SLC1A3: variants seen among roughly 807,000 people sequenced by gnomAD.
The protein encoded by SLC1A3 is solute carrier family 1 member 3.
A neutral mutation model predicts 48.1 loss-of-function variants in SLC1A3; 21 were observed. That is an observed-to-expected ratio of 0.44 (90% CI 0.31 to 0.63). The LOEUF (loss-of-function observed/expected upper bound fraction) is 0.63, where lower values mean the gene tolerates loss of function less well. Among genes scored for constraint, SLC1A3 ranks in the 20% least tolerant of loss-of-function variants. The pLI is 0.08. For synonymous variants in SLC1A3, 239 were observed against 251.4 expected, an observed-to-expected ratio of 0.95 and a Z score of 0.47; for missense variants, 546 against 689.0, an observed-to-expected ratio of 0.79 and a Z score of 2.32.
At chr5:36,611,280 TAAA>T (rs11336594) in intron 2 of SLC1A3, among the ~76,000 whole-genome samples, 6,605 of 132,432 alleles carry the variant, frequency 0.05, 550 homozygotes, top group African/African-American at 0.17. Context: ...TTGCTTTTAG[TAAA>T]AAAAAAAAAA....
chr5:36,659,311 A>T (rs1042927095), intron 3 of SLC1A3, among the ~76,000 whole-genome samples: 1 of 152,158 alleles, frequency 6.6e-6, no homozygotes, highest in African/African-American at 2.4e-5. Flanking sequence ...TGTTAGGAGG[A>T]TAAAGGAGGT....
chr5:36,644,895 G>C (rs1265266625), intron 3 of SLC1A3, among the ~76,000 whole-genome samples: 3 of 152,088 alleles, frequency 2.0e-5, no homozygotes, highest in East Asian at 3.9e-4. Context: ...GGTGGGCCTG[G>C]GGGGAGACAA....
intron 3 of SLC1A3, chr5:36,668,078 A>T (rs1741831426): frequency 6.6e-6 from 1 of 152,228 alleles, no homozygotes; most frequent in African/African-American, 2.4e-5. Flanking sequence ...TATATTTTAA[A>T]GTGATAAGGC....
chr5:36,646,160 T>G (rs1008501960), intron 3 of SLC1A3, among the ~76,000 whole-genome samples: 2 of 152,234 alleles, frequency 1.3e-5, no homozygotes, highest in Admixed American at 6.5e-5. Flanking sequence ...GTAAGTTTTT[T>G]GAAGTTGACA....
intron 3 of SLC1A3, among the ~76,000 whole-genome samples, chr5:36,635,272 G>T (rs543077961): frequency 1.4e-4 from 22 of 152,274 alleles, no homozygotes; most frequent in African/African-American, 5.1e-4. Context: ...GTGTCACAAG[G>T]TTGTTGTGAG....
chr5:36,664,779 T>C (rs1741663837), intron 3 of SLC1A3, among the ~76,000 whole-genome samples: 2 of 152,252 alleles, frequency 1.3e-5, no homozygotes. Context: ...CATTCACCTG[T>C]TAACATATGG....
rs1742684725 is a variant in SLC1A3 at position 36,687,184 on chromosome 5, A to T, written c.*915A>T. 1 of 152,226 alleles carries T rather than the reference A, an allele frequency of 6.6e-6. No individual in the cohort carries two copies. The highest frequency in any genetic ancestry group is 2.1e-4 in the South Asian group (1 of 4,834). 9.4% of individuals were successfully genotyped at this position (152,226 alleles called of 1,614,324 possible). ...TTGCCCAGTTCATCCCAATGGGGGA[A>T]GTATTCCCTTCTTTCCTACTCTGGG... On this transcript the variant is annotated 3_prime_UTR_variant, in exon 10 of 10. Coordinates refer to ENST00000265113, the MANE Select transcript of SLC1A3 (RefSeq NM_004172.5).
intron 3 of SLC1A3, among the ~76,000 whole-genome samples, chr5:36,656,665 G>A (rs1335824976): frequency 6.6e-6 from 1 of 152,166 alleles, no homozygotes; most frequent in African/African-American, 2.4e-5. Flanking sequence ...ATGAACTCTT[G>A]CTATAGTATG....
chr5:36,651,267 T>C (rs1741058761), intron 3 of SLC1A3, among the ~76,000 whole-genome samples: 1 of 151,404 alleles, frequency 6.6e-6, no homozygotes, highest in South Asian at 2.1e-4. Flanking sequence ...TCCACTGCCC[T>C]CTACTATGGC....
At chr5:36,677,228 AT>A in intron 6 of SLC1A3, 44 bp downstream of exon 6, 1 of 1,546,878 alleles carries the variant, frequency 6.5e-7, no homozygotes, top group Non-Finnish European at 8.9e-7. Context: ...CGAGATGGTT[AT>A]TGCCATCAAC....
rs111962837 is a variant in SLC1A3, at chr5:36,636,463, T to C, written c.319+6876T>C. On this transcript the variant is annotated intron_variant, in intron 3 of 9. Transcript: ENST00000265113. ...TCTTTTCTTTTTCTTTCTTTCTTTC[T>C]TTTCTTTCTTTCTTTCTTTCTTTCT... 1.7e-3 allele frequency: 119 copies of C among 68,602 alleles called. 1 individual carries two copies. Among genetic ancestry groups the C allele is most frequent in the African/African-American group, 7.7e-3 (107 of 13,826 alleles). 4.2% of individuals were successfully genotyped at this position (68,602 alleles called of 1,614,324 possible).
chr5:36,669,854 C>T (rs1741913721), intron 3 of SLC1A3: 1 of 151,576 alleles, frequency 6.6e-6, no homozygotes. Flanking sequence ...TTCATGTGAA[C>T]AGGGCCACTA....
chr5:36,602,141 A>T (rs1428208932), upstream of SLC1A3, among the ~76,000 whole-genome samples: 2 of 152,122 alleles, frequency 1.3e-5, no homozygotes, highest in Admixed American at 1.3e-4. Context: ...CAGAAGAAAT[A>T]ACAGATTGTA....
At chr5:36,643,789 T>C (rs1561260812) in intron 3 of SLC1A3, among the ~76,000 whole-genome samples, 1 of 151,956 alleles carries the variant, frequency 6.6e-6, no homozygotes, top group Non-Finnish European at 1.5e-5. Context: ...GGTCAAGAGT[T>C]CGAGACCAGC....
At chr5:36,649,215 GCC>G (rs1740957183) in intron 3 of SLC1A3, 1 of 152,028 alleles carries the variant, frequency 6.6e-6, no homozygotes, top group Non-Finnish European at 1.5e-5. Flanking sequence ...AGGTTTGGTG[GCC>G]CATGCTTGTA....
At chr5:36,669,569 C>T (rs1741901289) in intron 3 of SLC1A3, 1 of 152,108 alleles carries the variant, frequency 6.6e-6, no homozygotes, top group South Asian at 2.1e-4. Context: ...TAAACTGTTA[C>T]TTAACTGCTT....
intron 1 of SLC1A3, chr5:36,607,391 T>C (rs1350544431): frequency 1.3e-5 from 2 of 152,196 alleles, no homozygotes; most frequent in Non-Finnish European, 2.9e-5. Flanking sequence ...AGGAATCCCT[T>C]GATTTTTCAG....
chr5:36,650,641 GT>G (rs1245740719), intron 3 of SLC1A3, among the ~76,000 whole-genome samples: 2 of 152,126 alleles, frequency 1.3e-5, no homozygotes, highest in Non-Finnish European at 2.9e-5. Context: ...CCATGGTATT[GT>G]TTAACATCTT....
intron 3 of SLC1A3, chr5:36,636,306 AGTGACATGG>A (rs923305217): frequency 1.3e-5 from 2 of 152,112 alleles, no homozygotes; most frequent in Non-Finnish European, 2.9e-5. Context: ...TCATGGTATC[AGTGACATGG>A]GTAGTATCAT....
Sources: gnomAD v4.1 joint callset for allele counts (sites outside exome capture counted in the v4.1 genomes callset) on GRCh38, gnomAD v4.1.1 for gene constraint, MANE v1.5 for transcripts, NCBI Gene and HGNC (gene_info 2026-07-23, HGNC 2026-07-21) for gene names.